CACNA1H: variants seen among roughly 807,000 people sequenced by gnomAD.
CACNA1H encodes the protein voltage-dependent T-type calcium channel subunit alpha-1H.
In CACNA1H, 149 loss-of-function variants were observed where a neutral mutation model predicts 192.5. That is an observed-to-expected ratio of 0.77 (90% CI 0.68 to 0.89). The LOEUF (loss-of-function observed/expected upper bound fraction) is 0.89, where lower values mean the gene tolerates loss of function less well. CACNA1H is among the 40% of genes least tolerant of loss of function. The pLI, the probability that CACNA1H is intolerant of heterozygous loss-of-function variation, is 0.00. For synonymous variants in CACNA1H, 2,202 were observed against 1,475.2 expected (o/e 1.49, Z -11.29); for missense variants, 4,257 against 3,423.5 (o/e 1.24, Z -6.08).
chr16:1,203,930 G>A lies in CACNA1H; in HGVS notation c.2003-80G>A, dbSNP rs909939671. 6.8e-5 allele frequency: 71 copies of A among 1,043,888 alleles called. No homozygotes were observed. In the African/African-American group the frequency reaches 8.2e-4, roughly 12 times the overall value. The allele number at this position is 1,043,888 out of a possible 1,614,324, so 64.7% of individuals were successfully genotyped here. A position where few individuals can be genotyped will look rare whatever the true frequency, so the allele number is the denominator to read the frequency against. Reference sequence around the variant, plus strand: ...CTGGGGGGGACACATTCACCCCACCGCTCCTGTGTGTGAGGGTTCCCGGGC... The same window carrying A: ...CTGGGGGGGACACATTCACCCCACCACTCCTGTGTGTGAGGGTTCCCGGGC... On this transcript the variant is annotated intron_variant, in intron 9 of 34. Transcript: ENST00000348261.
intron 8 of CACNA1H, among the ~76,000 whole-genome samples, chr16:1,201,245 G>C (rs952884051): frequency 2.6e-5 from 4 of 152,276 alleles, no homozygotes; most frequent in Non-Finnish European, 4.4e-5. Flanking sequence ...GAAGCAGACA[G>C]ACGTCCCCAG....
intron 33 of CACNA1H, 116 bp downstream of exon 33, chr16:1,218,767 C>A: frequency 8.5e-7 from 1 of 1,175,738 alleles, no homozygotes; most frequent in African/African-American, 1.6e-5. Flanking sequence ...GAAGGATGGG[C>A]GGGAAGGAGG....
intron 6 of CACNA1H, chr16:1,199,070 T>C: frequency 5.0e-6 from 1 of 198,958 alleles, no homozygotes. Context: ...GCTGCACATA[T>C]GCCCCACCCC....
chr16:1,214,946 C>CA (rs1251888108), intron 27 of CACNA1H, 26 bp from the exon 28 acceptor site: 12 of 1,546,430 alleles, frequency 7.8e-6, no homozygotes, highest in African/African-American at 2.7e-5. Flanking sequence ...AGCCCCACCT[C>CA]AGCCAGCCCG....
At position 1,207,826 on chromosome 16, in the gene CACNA1H, G is replaced by T; in HGVS notation, c.3120G>T (p.Glu1040Asp). 4 of 1,601,400 alleles carry T rather than the reference G, an allele frequency of 2.5e-6. No individual in the cohort carries two copies. The highest frequency in any genetic ancestry group is 3.4e-6 in the Non-Finnish European group (4 of 1,174,324). The change falls in exon 15 of 35, where the codon GAG becomes GAT. Residue 1040 changes from glutamate to aspartate, a missense_variant. Physicochemically the swap from Glu to Asp is conservative, Grantham distance 45. Coordinates refer to ENST00000348261, the MANE Select transcript of CACNA1H (RefSeq NM_021098.3). ...DEDKTSVHFEEDFHKLRELQT... is the reference protein window; with the variant it reads ...DEDKTSVHFEDDFHKLRELQT... The stretch of plus-strand genomic sequence containing the variant: ...ACAAGACGTCGGTCCACTTCGAGGA[G>T]GACTTCCACAAGCTCAGAGAACTCC...
At chr16:1,165,832 G>A (rs1438488245) in intron 2 of CACNA1H, among the ~76,000 whole-genome samples, 2 of 152,232 alleles carry the variant, frequency 1.3e-5, no homozygotes, top group Non-Finnish European at 2.9e-5. Flanking sequence ...TCCCCAGGAG[G>A]TTTGGGGCTG....
At chr16:1,213,207 G>A (rs1249772525) in intron 26 of CACNA1H, among the ~76,000 whole-genome samples, 1 of 152,218 alleles carries the variant, frequency 6.6e-6, no homozygotes, top group African/African-American at 2.4e-5. Flanking sequence ...ACTTGGGCTG[G>A]TGGCCAGAGG....
At chr16:1,198,945 AC>A (rs1388658062) in intron 6 of CACNA1H, 171 bp downstream of exon 6, 11 of 409,984 alleles carry the variant, frequency 2.7e-5, no homozygotes, top group African/African-American at 1.2e-4. Flanking sequence ...TCCCGCCCCC[AC>A]CCCCCATCAT....
chr16:1,214,552 C>T (rs545236929), intron 27 of CACNA1H, among the ~76,000 whole-genome samples: 134 of 152,268 alleles, frequency 8.8e-4, no homozygotes, highest in African/African-American at 3.0e-3. Context: ...GGCTGCATAC[C>T]GTCGGTGCTC....
chr16:1,183,225 C>A (rs947323453), intron 2 of CACNA1H, among the ~76,000 whole-genome samples: 1 of 152,160 alleles, frequency 6.6e-6, no homozygotes, highest in African/African-American at 2.4e-5. Flanking sequence ...GGGATCTGGC[C>A]TCTGGGACCC....
chr16:1,194,057 A>G (rs1039150995), intron 2 of CACNA1H, among the ~76,000 whole-genome samples: 2 of 151,808 alleles, frequency 1.3e-5, no homozygotes, highest in Admixed American at 6.6e-5. Flanking sequence ...CAGGCCTGCC[A>G]GGGGTGAGGG....
Position 1,205,240 on chromosome 16 carries a change from T to C in CACNA1H, c.2578T>C (p.Phe860Leu). 6.2e-7 allele frequency: 1 copy of C among 1,609,860 alleles called. No individual in the cohort carries two copies. Among genetic ancestry groups the C allele is most frequent in the Non-Finnish European group, 8.5e-7 (1 of 1,177,230 alleles). The change falls in exon 11 of 35, where the codon TTC becomes CTC. Residue 860 changes from phenylalanine to leucine, a missense_variant. Physicochemically the swap from Phe to Leu is conservative, Grantham distance 22. Coordinates refer to ENST00000348261, the MANE Select transcript of CACNA1H (RefSeq NM_021098.3). The part of the protein sequence containing the change: ...LGYIRNPYNI[F>L]DGIIVVISVW... ...CTACATCCGGAACCCGTACAACATC[T>C]TCGACGGCATCATCGTGGTCATCAG... is the stretch of plus-strand genomic sequence containing the variant.
At position 1,209,033 on chromosome 16, in the gene CACNA1H, C is replaced by T; in HGVS notation, c.3365C>T (p.Ala1122Val). ...DPPLGDQKPPASLRSSPCAPW... is the reference protein window; with the variant it reads ...DPPLGDQKPPVSLRSSPCAPW... ...TCACTGACTCCCGCCACCCCCCAGG[C>T]CAGCCTCCGAAGTTCTCCCTGTGCC... is the stretch of plus-strand genomic sequence containing the variant. Residue 1122 changes from alanine (A) to valine (V), a missense_variant and splice_region_variant, in exon 17 of 35, where the codon GCC becomes GTC. Physicochemically the swap from Ala to Val is moderately conservative, Grantham distance 64. Coordinates refer to ENST00000348261, the MANE Select transcript of CACNA1H (RefSeq NM_021098.3). 1 of 1,505,036 alleles carries T rather than the reference C, an allele frequency of 6.6e-7. No homozygotes were observed. Among genetic ancestry groups the T allele is most frequent in the Non-Finnish European group, 8.8e-7 (1 of 1,134,506 alleles). 93.2% of individuals were successfully genotyped at this position (1,505,036 alleles called of 1,614,324 possible). A position where few individuals can be genotyped will look rare whatever the true frequency, so the allele number is the denominator to read the frequency against.
chr16:1,188,041 AGAAAGAT>A (rs1303475086), intron 2 of CACNA1H, among the ~76,000 whole-genome samples: 11 of 152,252 alleles, frequency 7.2e-5, no homozygotes. Flanking sequence ...TGTCAGCGCC[AGAAAGAT>A]GAAATAGCCC....
rs1379186867 is a variant in CACNA1H, at chr16:1,208,049, G to A, written c.3191G>A (p.Gly1064Glu). ...TGTTCCCTGGCCGTGACCCCCAACGGGCACCTGGAGGGACGAGGCAGCCTG... is the reference window on the plus strand; with the variant it reads ...TGTTCCCTGGCCGTGACCCCCAACGAGCACCTGGAGGGACGAGGCAGCCTG... ...KMCSLAVTPN[G>E]HLEGRGSLSP... Residue 1064 changes from glycine (G) to glutamate (E), a missense_variant, in exon 16 of 35, where the codon GGG (glycine) becomes GAG (glutamate). By Grantham distance (98) the Gly-to-Glu change is moderately conservative (BLOSUM62 -2). Transcript: ENST00000348261. 2.5e-6 allele frequency: 4 copies of A among 1,607,276 alleles called. No individual in the cohort carries two copies. Among genetic ancestry groups the A allele is most frequent in the Non-Finnish European group, 3.4e-6 (4 of 1,177,742 alleles).
intron 2 of CACNA1H, among the ~76,000 whole-genome samples, chr16:1,177,476 G>A (rs1454056799): frequency 2.6e-5 from 4 of 152,176 alleles, no homozygotes; most frequent in Admixed American, 6.5e-5. Context: ...ACGGTCACAC[G>A]TCTGTCATAG....
At chr16:1,210,242 G>T in intron 18 of CACNA1H, 107 bp downstream of exon 18, 1 of 1,253,390 alleles carries the variant, frequency 8.0e-7, no homozygotes. Context: ...TTTCCGAGTG[G>T]GCACCCCTTC....
chr16:1,206,965 C>T (rs1243677536), intron 12 of CACNA1H, 36 bp from the exon 13 acceptor site: 8 of 1,025,292 alleles, frequency 7.8e-6, no homozygotes, highest in Non-Finnish European at 1.1e-5. Context: ...CACACCCCTG[C>T]CTCCACCCTC....
At chr16:1,172,960 T>A (rs534448738) in intron 2 of CACNA1H, among the ~76,000 whole-genome samples, 1 of 140,838 alleles carries the variant, frequency 7.1e-6, no homozygotes, top group African/African-American at 2.6e-5. Context: ...GGACACCAGG[T>A]CCCTGCAGGT....
Sources: gnomAD v4.1 joint callset for allele counts (sites outside exome capture counted in the v4.1 genomes callset) on GRCh38, gnomAD v4.1.1 for gene constraint, MANE v1.5 for transcripts, NCBI Gene and HGNC (gene_info 2026-07-23, HGNC 2026-07-21) for gene names.